STS: variants seen among roughly 807,000 people sequenced by gnomAD.
The protein encoded by STS is steryl-sulfatase.
STS carries 7 observed loss-of-function variants against 26.8 expected under a neutral mutation model. The observed-to-expected ratio is 0.26, with a 90% CI of 0.15 to 0.49. The LOEUF (loss-of-function observed/expected upper bound fraction) is 0.49. STS is among the 20% of genes least tolerant of loss of function. The probability of loss-of-function intolerance (pLI) is 0.98; values close to 1 mark genes in which losing one functional copy is unlikely to be tolerated. For synonymous variants in STS, 199 were observed against 189.4 expected, an observed-to-expected ratio of 1.05 and a Z score of -0.42; for missense variants, 434 against 465.6, an observed-to-expected ratio of 0.93 and a Z score of 0.63.
chrX:7,300,650 AT>A (rs1925919931), intron 7 of STS, among the ~76,000 whole-genome samples: 1 of 111,492 alleles, frequency 9.0e-6, no homozygotes, highest in Non-Finnish European at 1.9e-5. Flanking sequence ...AAATCTGACC[AT>A]TTCTCAGGAA....
At chrX:7,154,554 A>G (rs1317746656) in intron 1 of STS, among the ~76,000 whole-genome samples, 1 of 112,593 alleles carries the variant, frequency 8.9e-6, no homozygotes, top group Non-Finnish European at 1.9e-5. Context: ...TTCTTATAGA[A>G]ATAAAGAAAT....
At chrX:7,244,809 A>G (rs1034681165) in intron 2 of STS, among the ~76,000 whole-genome samples, 1 of 111,422 alleles carries the variant, frequency 9.0e-6, no homozygotes, top group African/African-American at 3.3e-5. Context: ...GCTGAGAAAC[A>G]CTATTAACAA....
At chrX:7,252,887 T>A (rs1309459313) in intron 2 of STS, among the ~76,000 whole-genome samples, 1 of 111,663 alleles carries the variant, frequency 9.0e-6, no homozygotes, top group African/African-American at 3.3e-5. Context: ...GCACAGTCGT[T>A]CAGGCCTGTA....
At chrX:7,174,102 C>A (rs1933520090) in intron 1 of STS, among the ~76,000 whole-genome samples, 1 of 111,368 alleles carries the variant, frequency 9.0e-6, no homozygotes, top group African/African-American at 3.3e-5. Flanking sequence ...CACATACAAT[C>A]ACAAAACCAT....
chrX:7,302,792 C>T (rs1431752986), intron 7 of STS, among the ~76,000 whole-genome samples: 1 of 111,403 alleles, frequency 9.0e-6, no homozygotes, highest in Non-Finnish European at 1.9e-5. Context: ...TCTGGCACTG[C>T]AGGGTGTGAT....
chrX:7,278,287 G>A (rs1171234669), intron 7 of STS, among the ~76,000 whole-genome samples: 1 of 112,237 alleles, frequency 8.9e-6, no homozygotes, highest in African/African-American at 3.2e-5. Flanking sequence ...TTATTACACA[G>A]GACGGGACTG....
chrX:7,250,826 A>G lies in STS; in HGVS notation c.-4-2370A>G, dbSNP rs142043235. On this transcript the variant is annotated intron_variant, in intron 2 of 10. Transcript: ENST00000674429. ...ATTCATTCAGTATTTAATCTCACCAAGACAGCATATGTATTTCATAAAGGT... is the reference window on the plus strand; with the variant it reads ...ATTCATTCAGTATTTAATCTCACCAGGACAGCATATGTATTTCATAAAGGT... Among the ~76,000 whole-genome samples, 849 of 112,245 alleles carry G rather than the reference A, an allele frequency of 7.6e-3. 5 individuals are homozygous for G. The highest frequency in any genetic ancestry group is 0.018 in the Middle Eastern group (4 of 217).
intron 8 of STS, among the ~76,000 whole-genome samples, chrX:7,323,508 G>C (rs1209108377): frequency 9.0e-6 from 1 of 111,468 alleles, no homozygotes; most frequent in African/African-American, 3.3e-5. Context: ...AATTCACTTA[G>C]GATAATGGCC....
intron 8 of STS, among the ~76,000 whole-genome samples, chrX:7,317,454 GGTTTGTTTGTTTGTTT>G (rs113419040): frequency 9.1e-6 from 1 of 109,797 alleles, no homozygotes; most frequent in Non-Finnish European, 1.9e-5. Flanking sequence ...CATATCTTTT[GGTTTGTTTGTTTGTTT>G]GTTTGTTTGT....
chrX:7,166,478 T>A (rs1438994506), intron 1 of STS, among the ~76,000 whole-genome samples: 6 of 111,619 alleles, frequency 5.4e-5, no homozygotes, highest in African/African-American at 2.0e-4. Context: ...ATGACTGAAG[T>A]ATGGGGATAT....
chrX:7,218,352 C>T (rs1189912233), intron 2 of STS, among the ~76,000 whole-genome samples: 1 of 112,554 alleles, frequency 8.9e-6, no homozygotes, highest in Non-Finnish European at 1.9e-5. Flanking sequence ...GTTTTATCCT[C>T]CATTCTTCAT....
intron 7 of STS, among the ~76,000 whole-genome samples, chrX:7,285,999 C>T (rs1378658719): frequency 1.8e-5 from 2 of 111,703 alleles, no homozygotes; most frequent in Non-Finnish European, 3.8e-5. Context: ...ATTTATGAAT[C>T]CCAAGGCATC....
chrX:7,216,492 G>C (rs1263184080), intron 2 of STS, among the ~76,000 whole-genome samples: 1 of 112,113 alleles, frequency 8.9e-6, no homozygotes, highest in Non-Finnish European at 1.9e-5. Context: ...CCTCTCAAAG[G>C]CTAGGGGCAA....
intron 7 of STS, among the ~76,000 whole-genome samples, chrX:7,303,089 C>G (rs187862989): frequency 1.7e-4 from 19 of 111,309 alleles, no homozygotes; most frequent in Admixed American, 2.9e-4. Flanking sequence ...ATAATTCCCA[C>G]GTGTTGTGGG....
chrX:7,347,271 T>G (rs886748039), intron 10 of STS, among the ~76,000 whole-genome samples: 5 of 111,447 alleles, frequency 4.5e-5, no homozygotes, highest in African/African-American at 1.6e-4. Context: ...CAATAAAAAG[T>G]GCAGTTCTAG....
intron 2 of STS, 135 bp downstream of exon 2, chrX:7,191,143 C>T (rs1933864553): frequency 9.1e-6 from 2 of 220,159 alleles, no homozygotes; most frequent in African/African-American, 3.1e-5. Context: ...TCTGTTATTG[C>T]AGGGATGACA....
chrX:7,205,358 T>A (rs1204043074), intron 2 of STS, among the ~76,000 whole-genome samples: 7 of 111,859 alleles, frequency 6.3e-5, no homozygotes, highest in Non-Finnish European at 1.9e-5. Flanking sequence ...ATGCTGTGGT[T>A]CTTTGGGGAT....
intron 2 of STS, among the ~76,000 whole-genome samples, chrX:7,211,392 G>C (rs1225344102): frequency 3.6e-5 from 4 of 111,568 alleles, no homozygotes; most frequent in Non-Finnish European, 7.5e-5. Flanking sequence ...GTTCCTTGAG[G>C]TTCTGGGACT....
At chrX:7,178,784 G>C (rs1190789377) in intron 1 of STS, among the ~76,000 whole-genome samples, 1 of 109,253 alleles carries the variant, frequency 9.2e-6, no homozygotes, top group African/African-American at 3.3e-5. Flanking sequence ...GGCTCTCTCT[G>C]TCCTTCTCTC....
Sources: allele counts gnomAD v4.1 joint callset (sites outside exome capture counted in the v4.1 genomes callset), GRCh38; gene constraint gnomAD v4.1.1; transcripts MANE v1.5; gene names NCBI Gene and HGNC (gene_info 2026-07-23, HGNC 2026-07-21).